The following ZNF16 variants were observed in gnomAD, a reference collection of about 807,000 sequenced individuals.
ZNF16 encodes zinc finger protein 16, also known as zinc finger protein KOX9.
Under a neutral mutation model 9.0 loss-of-function variants are expected in ZNF16, and 7 were observed. The ratio of observed to expected loss-of-function variants is 0.78; its 90% confidence interval spans 0.44 to 1.47. The LOEUF is 1.47. Among genes scored for constraint, ZNF16 ranks in the 40% most tolerant of loss-of-function variants. The probability of loss-of-function intolerance (pLI) is 0.01; values close to 1 mark genes in which losing one functional copy is unlikely to be tolerated. For missense variants in ZNF16, 830 were observed against 854.2 expected, an observed-to-expected ratio of 0.97 and a Z score of 0.35; for synonymous variants, 312 against 301.5, an observed-to-expected ratio of 1.03 and a Z score of -0.36.
Position 144,930,948 on chromosome 8 carries a change from G to C in ZNF16, c.1839C>G (p.Ser613Arg). 1 of 1,613,804 alleles carries C rather than the reference G, an allele frequency of 6.2e-7. No individual in the cohort carries two copies. The highest frequency in any genetic ancestry group is 8.5e-7 in the Non-Finnish European group (1 of 1,179,824). The change falls in exon 3 of 3, where the codon AGC becomes AGG. Residue 613 changes from serine (S) to arginine (R), a missense_variant. Physicochemically the swap from Ser to Arg is moderately radical, Grantham distance 110. Coordinates refer to ENST00000394909, the MANE Select transcript of ZNF16 (RefSeq NM_006958.3). Reference protein sequence around the residue: ...CVECGKGFSQSSHLIQHQIIH... With the variant: ...CVECGKGFSQRSHLIQHQIIH... The stretch of plus-strand genomic sequence containing the variant: ...TTATCTGATGCTGAATGAGGTGTGA[G>C]CTCTGGCTGAAGCCCTTACCACATT...
intron 2 of ZNF16, among the ~76,000 whole-genome samples, chr8:144,941,976 ATTTTTTT>A (rs1000299480): frequency 1.1e-5 from 1 of 92,054 alleles, no homozygotes. Flanking sequence ...CATTTTTAAG[ATTTTTTT>A]TTTTTTTTTT....
chr8:144,940,806 C>T (rs897924649), intron 2 of ZNF16, among the ~76,000 whole-genome samples: 1 of 152,170 alleles, frequency 6.6e-6, no homozygotes, highest in South Asian at 2.1e-4. Flanking sequence ...GATCAAGGTG[C>T]CAGTGGATTC....
chr8:144,942,545 C>T (rs1410592385), intron 2 of ZNF16, among the ~76,000 whole-genome samples: 1 of 152,178 alleles, frequency 6.6e-6, no homozygotes, highest in African/African-American at 2.4e-5. Context: ...GCCTTGGCCT[C>T]CCAAAGTGCT....
Position 144,933,249 on chromosome 8 carries a change from G to GC in ZNF16, c.197-660dup, listed in dbSNP as rs1833600980. Among the ~76,000 whole-genome samples the GC allele has an allele frequency of 6.6e-6, 1 of 152,160 alleles. No individual in the cohort carries two copies. The highest frequency in any genetic ancestry group is 1.5e-5 in the Non-Finnish European group (1 of 68,044). ...GGCATCATTCAACCACTCCTGTGCG[G>GC]CAGGGACCTGTGTGGAACATCAGAT... is the stretch of plus-strand genomic sequence containing the variant. On this transcript the variant is annotated intron_variant, in intron 2 of 2. Coordinates refer to ENST00000394909, the MANE Select transcript of ZNF16 (RefSeq NM_006958.3). The surrounding 1 kb of genome is among the most constrained non-coding windows in gnomAD (Gnocchi z 5.6).
intron 1 of ZNF16, among the ~76,000 whole-genome samples, chr8:144,949,174 G>A (rs1026562839): frequency 2.0e-5 from 3 of 152,266 alleles, no homozygotes; most frequent in Non-Finnish European, 4.4e-5. Context: ...ATAGCAAGCA[G>A]CCACAGGATG....
At position 144,931,193 on chromosome 8, in the gene ZNF16, G is replaced by C. The variant is rs529387156; in HGVS notation, c.1594C>G (p.Leu532Val). The C allele has an allele frequency of 1.9e-6, 3 of 1,614,040 alleles. No homozygotes were observed. The highest frequency in any genetic ancestry group is 2.5e-6 in the Non-Finnish European group (3 of 1,180,012). ...CGKTFGRSSN[L>V]ILHQRVHTGE... ...GTGTGGACTCGCTGGTGAAGGATGAGGTTGGAGCTGCGACCAAAGGTCTTC... is the reference window on the plus strand; with the variant it reads ...GTGTGGACTCGCTGGTGAAGGATGACGTTGGAGCTGCGACCAAAGGTCTTC... The change falls in exon 3 of 3, where the codon CTC becomes GTC. Residue 532 changes from leucine to valine, a missense_variant. Coordinates refer to ENST00000394909, the MANE Select transcript of ZNF16 (RefSeq NM_006958.3).
intron 2 of ZNF16, among the ~76,000 whole-genome samples, chr8:144,939,423 G>A (rs1345010784): frequency 2.6e-5 from 4 of 151,580 alleles, no homozygotes; most frequent in South Asian, 2.1e-4. Flanking sequence ...TGGGGAACAC[G>A]GTCTCTACTA....
At chr8:144,947,551 T>C (rs1463831989) in intron 1 of ZNF16, among the ~76,000 whole-genome samples, 1 of 152,194 alleles carries the variant, frequency 6.6e-6, no homozygotes, top group Non-Finnish European at 1.5e-5. Context: ...CATGTCATCA[T>C]TATGTGTCAA....
At chr8:144,937,114 A>G (rs887308124) in intron 2 of ZNF16, among the ~76,000 whole-genome samples, 14 of 149,206 alleles carry the variant, frequency 9.4e-5, no homozygotes, top group Non-Finnish European at 1.6e-4. Context: ...CCCATTCTGC[A>G]GGATGCTTTT....
intron 2 of ZNF16, among the ~76,000 whole-genome samples, chr8:144,937,143 C>CTTTTT (rs58306145): frequency 1.5e-4 from 17 of 110,964 alleles, no homozygotes; most frequent in Non-Finnish European, 2.6e-4. Flanking sequence ...CTTTCTCTCT[C>CTTTTT]TTTTTTTTTT....
Position 144,930,921 on chromosome 8 carries a change from G to C in ZNF16, c.1866C>G (p.Ile622Met), listed in dbSNP as rs1385372275. ...QSSHLIQHQI[I>M]HTGERPYKCS... ...ATTTGTAGGGGCGCTCGCCCGTGTGGATTATCTGATGCTGAATGAGGTGTG... is the reference window on the plus strand; with the variant it reads ...ATTTGTAGGGGCGCTCGCCCGTGTGCATTATCTGATGCTGAATGAGGTGTG... Residue 622 changes from isoleucine to methionine, a missense_variant, in exon 3 of 3, where the codon ATC becomes ATG. Coordinates refer to ENST00000394909, the MANE Select transcript of ZNF16 (RefSeq NM_006958.3). The C allele has an allele frequency of 1.9e-6, 3 of 1,612,900 alleles. No individual in the cohort carries two copies. Among genetic ancestry groups the C allele is most frequent in the South Asian group, 1.1e-5 (1 of 90,904 alleles).
intron 1 of ZNF16, among the ~76,000 whole-genome samples, chr8:144,949,565 G>T (rs1834042176): frequency 6.6e-6 from 1 of 152,188 alleles, no homozygotes; most frequent in South Asian, 2.1e-4. Context: ...CTGTTAATTT[G>T]TAACTTTGCC....
chr8:144,931,754 C>A lies in ZNF16; in HGVS notation c.1033G>T (p.Gly345Trp), dbSNP rs1833551013. 6.2e-7 allele frequency: 1 copy of A among 1,614,002 alleles called. No individual in the cohort carries two copies. The highest frequency in any genetic ancestry group is 8.5e-7 in the Non-Finnish European group (1 of 1,179,988). The change falls in exon 3 of 3, where the codon GGG (glycine) becomes TGG (tryptophan). Residue 345 changes from glycine (G) to tryptophan (W), a missense_variant. By Grantham distance (184) the Gly-to-Trp change is radical. Coordinates refer to ENST00000394909, the MANE Select transcript of ZNF16 (RefSeq NM_006958.3). Reference sequence around the variant, plus strand: ...TCACTGCACACATACGGTTTCTCCCCAGAATGGATTCTTTGATGTTGGATG... The same window carrying A: ...TCACTGCACACATACGGTTTCTCCCAAGAATGGATTCTTTGATGTTGGATG... Reference protein sequence around the residue: ...NLIQHQRIHSGEKPYVCSECG... With the variant: ...NLIQHQRIHSWEKPYVCSECG...
At chr8:144,937,326 G>A (rs1168945955) in intron 2 of ZNF16, among the ~76,000 whole-genome samples, 1 of 151,488 alleles carries the variant, frequency 6.6e-6, no homozygotes. Context: ...AGTAGAGATG[G>A]GGTTTCGCCA....
Position 144,932,465 on chromosome 8 carries a change from C to T in ZNF16, c.322G>A (p.Asp108Asn). 6.2e-7 allele frequency: 1 copy of T among 1,614,232 alleles called. No homozygotes were observed. Among genetic ancestry groups the T allele is most frequent in the East Asian group, 2.2e-5 (1 of 44,880 alleles). Residue 108 changes from aspartate (D) to asparagine (N), a missense_variant, in exon 3 of 3, where the codon GAT becomes AAT. Asp to Asn is a conservative substitution (Grantham distance 23, BLOSUM62 1). Transcript: ENST00000394909. This position sits in a 1 kb window ranked among gnomAD's most constrained non-coding sequence, Gnocchi z 5.0. ...GDVSQVPELG[D>N]LCDDVSERDW... ...CTTTCTGATACATCATCACACAGATCTCCAAGCTCGGGTACCTGGGAAACA... is the reference window on the plus strand; with the variant it reads ...CTTTCTGATACATCATCACACAGATTTCCAAGCTCGGGTACCTGGGAAACA...
At chr8:144,947,162 CCCTGCTGTGGGCCTGTGT>C (rs1410549406) in intron 1 of ZNF16, among the ~76,000 whole-genome samples, 16 of 103,904 alleles carry the variant, frequency 1.5e-4, no homozygotes, top group East Asian at 6.0e-4. Context: ...TGGGCCTGTA[CCCTGCTGTGGGCCTGTGT>C]CCTGCTGTGG....
At chr8:144,948,128 G>C (rs1044957487) in intron 1 of ZNF16, 4 of 152,454 alleles carry the variant, frequency 2.6e-5, no homozygotes, top group African/African-American at 9.7e-5. Flanking sequence ...GAAGGGCTGG[G>C]TGGTGCTCCT....
chr8:144,930,711 C>G lies in ZNF16; in HGVS notation c.*27G>C, dbSNP rs369397168. On this transcript the variant is annotated 3_prime_UTR_variant, in exon 3 of 3. Transcript: ENST00000394909. ...GAGGAGTTGGAGAGGAAACTATGCT[C>G]GGTTTCACTCCTGCCAGCCCAACAG... The G allele has an allele frequency of 1.3e-6, 2 of 1,515,348 alleles. No individual in the cohort carries two copies. Among genetic ancestry groups the G allele is most frequent in the African/African-American group, 2.8e-5 (2 of 71,578 alleles). The allele number at this position is 1,515,348 out of a possible 1,614,324, so 93.9% of individuals were successfully genotyped here.
In ZNF16 at chr8:144,932,195, C is replaced by G; in HGVS notation, c.592G>C (p.Gly198Arg). ...TCAGCTGTGGGAACCCCCTCATGAC[C>G]AGTTAGGTCCACACTGTGCTGGAAA... ...QSFQHSVDLT[G>R]HEGVPTAESP... The change falls in exon 3 of 3, where the codon GGT becomes CGT. Residue 198 changes from glycine to arginine, a missense_variant. By Grantham distance (125) the Gly-to-Arg change is moderately radical. Coordinates refer to ENST00000394909, the MANE Select transcript of ZNF16 (RefSeq NM_006958.3). The surrounding 1 kb of genome is among the most constrained non-coding windows in gnomAD (Gnocchi z 5.0). 1 of 1,614,200 alleles carries G rather than the reference C, an allele frequency of 6.2e-7. No individual in the cohort carries two copies. The highest frequency in any genetic ancestry group is 8.5e-7 in the Non-Finnish European group (1 of 1,180,030).
Sources: allele counts gnomAD v4.1 joint callset (sites outside exome capture counted in the v4.1 genomes callset), GRCh38; gene constraint gnomAD v4.1.1; non-coding constraint Gnocchi (gnomAD v3.1); transcripts MANE v1.5; gene names NCBI Gene and HGNC (gene_info 2026-07-23, HGNC 2026-07-21).